Variants in SLC25A17 observed in about 807,000 individuals in gnomAD.
The protein encoded by SLC25A17 is solute carrier family 25 member 17.
SLC25A17 carries 26 observed loss-of-function variants against 38.5 expected under a neutral mutation model. The ratio of observed to expected loss-of-function variants is 0.68; its 90% CI spans 0.50 to 0.94. SLC25A17 has a LOEUF of 0.94. SLC25A17 is among the 40% of genes least tolerant of loss of function. The probability of loss-of-function intolerance (pLI) is 0.00; values close to 1 mark genes in which losing one functional copy is unlikely to be tolerated. For synonymous variants in SLC25A17, 139 were observed against 136.2 expected, an observed-to-expected ratio of 1.02 and a Z score of -0.14; for missense variants, 333 against 372.7, an observed-to-expected ratio of 0.89 and a Z score of 0.88.
Position 40,770,949 on chromosome 22 carries a change from A to G in SLC25A17, c.809T>C (p.Leu270Pro). The stretch of plus-strand genomic sequence containing the variant: ...GACTGTCTGCAGCAGTTTGGCTTCA[A>G]GGCCTTTGTAGAGTCCCATTATTCC... ...RFGIMGLYKG[L>P]EAKLLQTVLT... The change falls in exon 9 of 9, where the codon CTT becomes CCT. Residue 270 changes from leucine (L) to proline (P), a missense_variant. Transcript: ENST00000435456. The G allele has an allele frequency of 6.2e-7, 1 of 1,606,360 alleles. No homozygotes were observed. The highest frequency in any genetic ancestry group is 8.5e-7 in the Non-Finnish European group (1 of 1,174,878).
intron 4 of SLC25A17, among the ~76,000 whole-genome samples, chr22:40,785,943 T>C (rs933232764): frequency 6.6e-6 from 1 of 152,088 alleles, no homozygotes; most frequent in Non-Finnish European, 1.5e-5. Flanking sequence ...CCCTCATTCA[T>C]GTTTTAACAT....
chr22:40,795,213 C>A (rs2057418036), intron 2 of SLC25A17, among the ~76,000 whole-genome samples: 1 of 152,204 alleles, frequency 6.6e-6, no homozygotes, highest in African/African-American at 2.4e-5. Flanking sequence ...GATCCCTTGC[C>A]CTTCATCTGT....
chr22:40,804,171 A>C (rs2057508938), intron 1 of SLC25A17, among the ~76,000 whole-genome samples: 1 of 152,078 alleles, frequency 6.6e-6, no homozygotes, highest in Non-Finnish European at 1.5e-5. Context: ...GAGTCCTTTT[A>C]ATAATATCTA....
intron 1 of SLC25A17, among the ~76,000 whole-genome samples, chr22:40,818,564 G>A (rs1419596888): frequency 6.6e-6 from 1 of 151,958 alleles, no homozygotes; most frequent in Non-Finnish European, 1.5e-5. Context: ...AATGTAGCCG[G>A]GTGTGGTGGC....
intron 7 of SLC25A17, among the ~76,000 whole-genome samples, 197 bp from the exon 8 acceptor site, chr22:40,774,216 A>G (rs984537997): frequency 6.6e-6 from 1 of 151,788 alleles, no homozygotes; most frequent in Non-Finnish European, 1.5e-5. Flanking sequence ...GAAAATAAGA[A>G]AAATTTTTCC....
At chr22:40,815,412 C>T (rs911946919) in intron 1 of SLC25A17, among the ~76,000 whole-genome samples, 3 of 152,044 alleles carry the variant, frequency 2.0e-5, no homozygotes, top group Non-Finnish European at 4.4e-5. Context: ...GTAGAAAACA[C>T]GAGTACAACT....
rs1463504513 is a variant in SLC25A17 at position 40,799,031 on chromosome 22, C to T, written c.107G>A (p.Arg36Gln). 5 of 1,609,754 alleles carry T rather than the reference C, an allele frequency of 3.1e-6. No homozygotes were observed. The highest frequency in any genetic ancestry group is 3.4e-6 in the Non-Finnish European group (4 of 1,176,298). ...VFFPLDTARL[R>Q]LQVDEKRKSK... Reference sequence around the variant, plus strand: ...GTATGATTTCTACTTACCCTGAAGTCGAAGTCTAGCTGTATCCAGGGGAAA... The same window carrying T: ...GTATGATTTCTACTTACCCTGAAGTTGAAGTCTAGCTGTATCCAGGGGAAA... The change falls in exon 2 of 9, where the codon CGA becomes CAA. Residue 36 changes from arginine to glutamine, a missense_variant. Arg to Gln is a conservative substitution (Grantham distance 43). Coordinates refer to ENST00000435456, the MANE Select transcript of SLC25A17 (RefSeq NM_006358.4).
intron 4 of SLC25A17, among the ~76,000 whole-genome samples, chr22:40,790,485 A>C (rs117269860): frequency 0.02 from 3,119 of 152,148 alleles, 51 homozygotes; most frequent in Non-Finnish European, 0.031. Flanking sequence ...AAAATTGTTC[A>C]TGAGCCCTGA....
intron 1 of SLC25A17, among the ~76,000 whole-genome samples, chr22:40,810,781 C>G (rs1196574884): frequency 1.3e-5 from 2 of 152,214 alleles, no homozygotes; most frequent in Non-Finnish European, 2.9e-5. Context: ...TTCAGAGAGG[C>G]AATTAAATTC....
Position 40,777,328 on chromosome 22 carries a change from C to T in SLC25A17, c.497G>A (p.Trp166Ter). The change falls in exon 6 of 9, where the codon TGG becomes TAG. Residue 166 changes from tryptophan (W) to a stop codon, truncating the protein, a stop_gained. Transcript: ENST00000435456. LOFTEE classifies it high-confidence loss of function. ...CAGCAATGAGGGAAATGTGCCATTC[C>T]ATAAAGCCGAGATTCCTTCATCGCG... ...IIRDEGISAL[W>*]NGTFPSLLLV... 1 of 1,614,166 alleles carries T rather than the reference C, an allele frequency of 6.2e-7. No homozygotes were observed. Among genetic ancestry groups the T allele is most frequent in the Non-Finnish European group, 8.5e-7 (1 of 1,180,022 alleles).
intron 7 of SLC25A17, among the ~76,000 whole-genome samples, chr22:40,774,426 G>A (rs2057220468): frequency 6.6e-6 from 1 of 152,150 alleles, no homozygotes; most frequent in South Asian, 2.1e-4. Context: ...GTTTCACCAT[G>A]TTGGCCAGGC....
chr22:40,801,274 A>T (rs1464476384), intron 1 of SLC25A17, among the ~76,000 whole-genome samples: 1 of 151,186 alleles, frequency 6.6e-6, no homozygotes, highest in Non-Finnish European at 1.5e-5. Context: ...GAATACTCTA[A>T]TATTTGTATT....
At chr22:40,810,504 C>T (rs570282481) in intron 1 of SLC25A17, among the ~76,000 whole-genome samples, 27 of 152,120 alleles carry the variant, frequency 1.8e-4, no homozygotes, top group African/African-American at 6.3e-4. Context: ...TGCGCCACTA[C>T]GCCCGGCTGA....
At chr22:40,782,190 A>C (rs2057300841) in intron 4 of SLC25A17, among the ~76,000 whole-genome samples, 1 of 151,886 alleles carries the variant, frequency 6.6e-6, no homozygotes. Flanking sequence ...ACTGCACTCC[A>C]GCCCGGGTGT....
rs2057315352 is a variant in SLC25A17 at position 40,783,942 on chromosome 22, T to C, written c.335-4817A>G. Among the ~76,000 whole-genome samples, 3 of 152,092 alleles carry C rather than the reference T, an allele frequency of 2.0e-5. No homozygotes were observed. The South Asian group carries it at 6.2e-4, about 32-fold the overall frequency. On this transcript the variant is annotated intron_variant, in intron 4 of 8. Coordinates refer to ENST00000435456, the MANE Select transcript of SLC25A17 (RefSeq NM_006358.4). ...GTTGGTCTCAAACTCCTGACCTCGG[T>C]AATCCACCTGCCTCGGCCTCTCAAA...
At chr22:40,782,090 G>A (rs2145657239) in intron 4 of SLC25A17, among the ~76,000 whole-genome samples, 1 of 152,146 alleles carries the variant, frequency 6.6e-6, no homozygotes, top group South Asian at 2.1e-4. Context: ...CACGGTGGCG[G>A]GCGCCTGTAG....
At chr22:40,807,066 C>T (rs75685950) in intron 1 of SLC25A17, among the ~76,000 whole-genome samples, 2,007 of 152,306 alleles carry the variant, frequency 0.013, 42 homozygotes, top group African/African-American at 0.045. Flanking sequence ...CATCTTGTAG[C>T]ACATACAAAT....
chr22:40,805,436 T>C (rs888732751), intron 1 of SLC25A17, among the ~76,000 whole-genome samples: 2 of 152,168 alleles, frequency 1.3e-5, no homozygotes, highest in Non-Finnish European at 2.9e-5. Flanking sequence ...ATTCCTGGCT[T>C]TGAAGATGGG....
chr22:40,793,124 G>A (rs2057398272), intron 3 of SLC25A17, among the ~76,000 whole-genome samples: 1 of 151,552 alleles, frequency 6.6e-6, no homozygotes, highest in South Asian at 2.1e-4. Flanking sequence ...CCAAATCTGG[G>A]GCAATTTGAA....
Sources: gnomAD v4.1 joint callset for allele counts (sites outside exome capture counted in the v4.1 genomes callset) on GRCh38, gnomAD v4.1.1 for gene constraint, MANE v1.5 for transcripts, NCBI Gene and HGNC (gene_info 2026-07-23, HGNC 2026-07-21) for gene names.